FCHSD2: variants seen among roughly 807,000 people sequenced by gnomAD.
The protein encoded by FCHSD2 is FCH and double SH3 domains 2, also known as F-BAR and double SH3 domains protein 2.
Under a neutral mutation model 108.1 loss-of-function variants are expected in FCHSD2, and 38 were observed. The ratio of observed to expected loss-of-function variants is 0.35; its 90% CI spans 0.27 to 0.46. FCHSD2 has a LOEUF of 0.46. Ranked by LOEUF, FCHSD2 falls within the 20% of genes least tolerant of loss-of-function variation. FCHSD2 has a pLI of 1.00. For missense variants in FCHSD2, 751 were observed against 897.8 expected (o/e 0.84, Z 2.09); for synonymous variants, 279 against 314.7 (o/e 0.89, Z 1.20).
At chr11:72,905,962 G>C (rs1855621252) in intron 9 of FCHSD2, among the ~76,000 whole-genome samples, 1 of 152,172 alleles carries the variant, frequency 6.6e-6, no homozygotes, top group Non-Finnish European at 1.5e-5. Context: ...CCAGTAATGG[G>C]ATTGCTGGGT....
intron 3 of FCHSD2, among the ~76,000 whole-genome samples, chr11:73,081,239 T>A (rs1216683609): frequency 2.0e-5 from 3 of 152,086 alleles, no homozygotes; most frequent in Non-Finnish European, 4.4e-5. Flanking sequence ...ATCGAGATCA[T>A]CTTGCCCACT....
At position 73,133,269 on chromosome 11, in the gene FCHSD2, T is replaced by C. The variant is rs1349429364; in HGVS notation, c.119+6762A>G. On this transcript the variant is annotated intron_variant, in intron 2 of 19. Transcript: ENST00000409418. ...ATGACCCAGACATTCCATTTTTAGG[T>C]ATATATCCAAAAGAAAAACATATAT... Among the ~76,000 whole-genome samples, 3 of 152,206 alleles carry C rather than the reference T, an allele frequency of 2.0e-5. No homozygotes were observed. In the East Asian group the frequency reaches 5.8e-4, roughly 29 times the overall value.
chr11:72,960,958 C>G (rs768988513), intron 8 of FCHSD2, among the ~76,000 whole-genome samples: 9 of 151,982 alleles, frequency 5.9e-5, no homozygotes, highest in African/African-American at 2.2e-4. Context: ...TGTTTTCCTA[C>G]TTTTGATCTA....
At chr11:73,020,156 T>C (rs1858068183) in intron 3 of FCHSD2, among the ~76,000 whole-genome samples, 2 of 152,242 alleles carry the variant, frequency 1.3e-5, no homozygotes, top group Non-Finnish European at 2.9e-5. Context: ...GTGTCTGATG[T>C]TAGGCTTGCT....
intron 2 of FCHSD2, among the ~76,000 whole-genome samples, chr11:73,096,238 T>C (rs865781895): frequency 1.6e-4 from 25 of 152,024 alleles, no homozygotes; most frequent in Middle Eastern, 3.4e-3. Flanking sequence ...TTTAAACTTC[T>C]TGTATTTAAA....
intron 2 of FCHSD2, among the ~76,000 whole-genome samples, chr11:73,089,908 T>A (rs983587967): frequency 8.5e-5 from 13 of 152,242 alleles, no homozygotes; most frequent in Admixed American, 2.0e-4. Context: ...AATATTTTTT[T>A]AAAAAGCCTA....
intron 3 of FCHSD2, among the ~76,000 whole-genome samples, chr11:73,077,067 G>A (rs1859571755): frequency 7.4e-6 from 1 of 135,228 alleles, no homozygotes; most frequent in Admixed American, 8.4e-5. Flanking sequence ...ACAAGATTAT[G>A]CCATTGCACT....
intron 3 of FCHSD2, among the ~76,000 whole-genome samples, chr11:73,032,247 G>A (rs1008497155): frequency 1.3e-5 from 2 of 151,950 alleles, no homozygotes; most frequent in Non-Finnish European, 2.9e-5. Flanking sequence ...TTTATTTTAA[G>A]AGATGGGGTC....
At chr11:72,960,220 C>A (rs1029105683) in intron 8 of FCHSD2, among the ~76,000 whole-genome samples, 7 of 152,004 alleles carry the variant, frequency 4.6e-5, no homozygotes, top group African/African-American at 1.7e-4. Flanking sequence ...AGGGGAGATG[C>A]CATGGCCAGT....
intron 3 of FCHSD2, among the ~76,000 whole-genome samples, chr11:73,076,054 G>A (rs942186350): frequency 2.0e-5 from 3 of 152,062 alleles, no homozygotes; most frequent in South Asian, 2.1e-4. Flanking sequence ...CCGGGAGGTC[G>A]AGGCTGCAGT....
At chr11:73,074,849 C>T (rs1423982077) in intron 3 of FCHSD2, among the ~76,000 whole-genome samples, 3 of 152,030 alleles carry the variant, frequency 2.0e-5, no homozygotes, top group East Asian at 1.9e-4. Context: ...GAGTTCGAGG[C>T]TGTAGTGAAC....
rs561810419 is a variant in FCHSD2, at chr11:73,122,498, G to A, written c.119+17533C>T. On this transcript the variant is annotated intron_variant, in intron 2 of 19. Transcript: ENST00000409418. Reference sequence around the variant, plus strand: ...ATCTTCTTTCTTGATCTGCTCTTCAGAACACAGGAATGGCTACTTGTAAGA... The same window carrying A: ...ATCTTCTTTCTTGATCTGCTCTTCAAAACACAGGAATGGCTACTTGTAAGA... 9.8e-5 allele frequency among the ~76,000 whole-genome samples: 15 copies of A among 152,322 alleles called. No homozygotes were observed. The East Asian group carries it at 2.7e-3, about 27-fold the overall frequency.
In FCHSD2 at chr11:73,070,706, G is replaced by A. The variant is rs530531293; in HGVS notation, c.165+12989C>T. On this transcript the variant is annotated intron_variant, in intron 3 of 19. Transcript: ENST00000409418. Reference sequence around the variant, plus strand: ...CTCCCAAAGTGCTGGTATTACAGGCGTGAGCCACCATACCCGGCCTAAATG... The same window carrying A: ...CTCCCAAAGTGCTGGTATTACAGGCATGAGCCACCATACCCGGCCTAAATG... 5.3e-5 allele frequency among the ~76,000 whole-genome samples: 8 copies of A among 151,602 alleles called. No homozygotes were observed. In the South Asian group the frequency reaches 1.3e-3, roughly 24 times the overall value.
intron 2 of FCHSD2, among the ~76,000 whole-genome samples, chr11:73,136,243 C>G (rs1861117256): frequency 6.6e-6 from 1 of 151,484 alleles, no homozygotes; most frequent in Admixed American, 6.6e-5. Context: ...ATTCTATTTA[C>G]AGTCTAATGT....
chr11:72,952,146 T>C (rs1591429821), intron 8 of FCHSD2, among the ~76,000 whole-genome samples: 1 of 152,108 alleles, frequency 6.6e-6, no homozygotes, highest in Non-Finnish European at 1.5e-5. Flanking sequence ...CTGTGTACTT[T>C]AACTTATATT....
At chr11:72,882,452 CAGTT>C (rs989078058) in intron 12 of FCHSD2, among the ~76,000 whole-genome samples, 5 of 151,772 alleles carry the variant, frequency 3.3e-5, no homozygotes, top group East Asian at 1.9e-4. Context: ...TAGAAGCAAA[CAGTT>C]AGATAGATGG....
At chr11:72,956,509 T>C (rs1161956644) in intron 8 of FCHSD2, among the ~76,000 whole-genome samples, 1 of 152,214 alleles carries the variant, frequency 6.6e-6, no homozygotes, top group Non-Finnish European at 1.5e-5. Flanking sequence ...ATAATCAACT[T>C]TGACTTATAA....
intron 4 of FCHSD2, among the ~76,000 whole-genome samples, chr11:73,011,186 G>T (rs910569039): frequency 6.6e-6 from 1 of 152,148 alleles, no homozygotes; most frequent in African/African-American, 2.4e-5. Flanking sequence ...TCAGGCTGGG[G>T]TGGCTTGCCC....
chr11:73,044,260 A>T (rs1270693611), intron 3 of FCHSD2, among the ~76,000 whole-genome samples: 1 of 152,174 alleles, frequency 6.6e-6, no homozygotes, highest in African/African-American at 2.4e-5. Context: ...GAATTCCTCA[A>T]TTAAAAAAAA....
Sources: gnomAD v4.1 joint callset for allele counts (sites outside exome capture counted in the v4.1 genomes callset) on GRCh38, gnomAD v4.1.1 for gene constraint, MANE v1.5 for transcripts, NCBI Gene and HGNC (gene_info 2026-07-23, HGNC 2026-07-21) for gene names.